The following ZNF44 variants were observed in gnomAD, a reference collection of about 807,000 sequenced individuals.
ZNF44 encodes gonadotropin inducible transcription repressor-2.
Under a neutral mutation model 11.7 loss-of-function variants are expected in ZNF44, and 9 were observed. The observed-to-expected ratio is 0.77, with a 90% CI of 0.46 to 1.35. The LOEUF is 1.35. ZNF44 is among the 40% of genes most tolerant of loss of function. The pLI, the probability that ZNF44 is intolerant of heterozygous loss-of-function variation, is 0.00. For synonymous variants in ZNF44, 224 were observed against 242.7 expected (o/e 0.92, Z 0.72); for missense variants, 696 against 743.1 (o/e 0.94, Z 0.74).
intron 5 of ZNF44, among the ~76,000 whole-genome samples, chr19:12,259,249 C>G (rs918884771): frequency 1.3e-5 from 2 of 152,132 alleles, no homozygotes; most frequent in Non-Finnish European, 2.9e-5. Context: ...GTTATGATGG[C>G]TAAGGAGAGG....
At chr19:12,230,121 G>C (rs1440876575) in intron 3 of ZNF44, among the ~76,000 whole-genome samples, 3 of 152,132 alleles carry the variant, frequency 2.0e-5, no homozygotes, top group Non-Finnish European at 4.4e-5. Flanking sequence ...ATGTGTATTG[G>C]GGCCAGGCCA....
chr19:12,293,512 C>T, intron 1 of ZNF44: 1 of 735,146 alleles, frequency 1.4e-6, no homozygotes, highest in South Asian at 2.7e-5. Flanking sequence ...TTATTCTCTT[C>T]TTCCTCACAT....
In ZNF44 at chr19:12,294,733, G is replaced by A; in HGVS notation, c.-39C>T. ...GGTGTCCCGGGTCCTCCCAACTCCC[G>A]TAGTCAGGGTAGGTCCCAGCGCGAC... On this transcript the variant is annotated 5_prime_UTR_variant, in exon 1 of 4. In the 5' UTR this introduces an upstream ATG that the reference lacks. Transcript: ENST00000355684. The A allele has an allele frequency of 1.3e-6, 2 of 1,551,264 alleles. No homozygotes were observed. The highest frequency in any genetic ancestry group is 1.7e-6 in the Non-Finnish European group (2 of 1,148,402).
intron 7 of ZNF44, among the ~76,000 whole-genome samples, chr19:12,249,347 A>C (rs924304658): frequency 5.3e-5 from 8 of 151,046 alleles, no homozygotes; most frequent in African/African-American, 1.7e-4. Flanking sequence ...TCTACTAAAA[A>C]TACAAAAAAT....
At chr19:12,249,507 G>GAA (rs958860050) in intron 7 of ZNF44, among the ~76,000 whole-genome samples, 6 of 60,752 alleles carry the variant, frequency 9.9e-5, no homozygotes, top group Non-Finnish European at 1.6e-4. Flanking sequence ...CTCCGTCTCA[G>GAA]AAAAAAAAAA....
downstream of ZNF44, among the ~76,000 whole-genome samples, chr19:12,267,716 A>C (rs1484047449): frequency 6.6e-6 from 1 of 152,124 alleles, no homozygotes; most frequent in Non-Finnish European, 1.5e-5. Flanking sequence ...CAAAAGCAAG[A>C]AACTCTCACC....
At chr19:12,286,528 G>A (rs994533380) in intron 1 of ZNF44, among the ~76,000 whole-genome samples, 2 of 151,940 alleles carry the variant, frequency 1.3e-5, no homozygotes, top group Non-Finnish European at 2.9e-5. Context: ...TAGCTGCTCG[G>A]GAGGCTGAGG....
rs1203790559 is a variant in ZNF44, at chr19:12,272,154, G to A, written c.*253C>T. ...TAGGACTACAGGTGTGAGCAACTAT[G>A]CCTGGCTATTTTTTTTTTTTTCCGT... On this transcript the variant is annotated 3_prime_UTR_variant, in exon 4 of 4. Transcript: ENST00000355684. 7.8e-6 allele frequency: 3 copies of A among 384,310 alleles called. No homozygotes were observed. The highest frequency in any genetic ancestry group is 1.3e-5 in the Non-Finnish European group (3 of 238,536). 23.8% of individuals were successfully genotyped at this position (384,310 alleles called of 1,614,324 possible). A position where few individuals can be genotyped will look rare whatever the true frequency, so the allele number is the denominator to read the frequency against.
rs1967075025 is a variant in ZNF44, at chr19:12,273,616, A to G, written c.639T>C (p.Arg213=). The change falls in exon 4 of 4, where the codon CGT becomes CGC. Residue 213 remains arginine, a synonymous_variant. Transcript: ENST00000355684. ...CTCCAGTGTGAGTTCTTTCATGCAT[A>G]CGTAATAAACTGGGCCAAAAAAAGG... The part of the protein sequence containing the change: ...GKAFFWPSLL[R]MHERTHTGEK... 3.1e-6 allele frequency: 5 copies of G among 1,613,980 alleles called. No homozygotes were observed. The highest frequency in any genetic ancestry group is 4.2e-6 in the Non-Finnish European group (5 of 1,179,982).
chr19:12,276,498 A>C (rs1341544024), intron 1 of ZNF44, among the ~76,000 whole-genome samples: 1 of 152,182 alleles, frequency 6.6e-6, no homozygotes, highest in African/African-American at 2.4e-5. Context: ...GTGTCTAGAC[A>C]ATGTATTTAG....
chr19:12,260,493 G>A (rs1917462695), intron 5 of ZNF44: 2 of 1,298,516 alleles, frequency 1.5e-6, no homozygotes, highest in East Asian at 4.9e-5. Context: ...CCAGAAGCCT[G>A]TGATGGTGAA....
intron 5 of ZNF44, among the ~76,000 whole-genome samples, chr19:12,259,082 C>G (rs755291966): frequency 6.6e-6 from 1 of 152,112 alleles, no homozygotes; most frequent in Non-Finnish European, 1.5e-5. Flanking sequence ...ACCATGTTGC[C>G]CAGGCTCGTC....
intron 2 of ZNF44, among the ~76,000 whole-genome samples, chr19:12,232,598 C>G (rs79995622): frequency 2.0e-5 from 3 of 152,192 alleles, no homozygotes; most frequent in African/African-American, 4.8e-5. Flanking sequence ...ATCTTGCACC[C>G]CCCTTAATCC....
chr19:12,279,135 C>T (rs1237101531), intron 1 of ZNF44, among the ~76,000 whole-genome samples: 4 of 152,210 alleles, frequency 2.6e-5, no homozygotes, highest in Non-Finnish European at 4.4e-5. Context: ...TCTGTCAGAA[C>T]ACTGCATGAT....
chr19:12,231,540 G>C (rs1458604003), intron 2 of ZNF44, among the ~76,000 whole-genome samples: 1 of 152,180 alleles, frequency 6.6e-6, no homozygotes, highest in Non-Finnish European at 1.5e-5. Flanking sequence ...AACAGATCAT[G>C]AGACATTTAA....
intron 5 of ZNF44, among the ~76,000 whole-genome samples, chr19:12,258,646 A>G (rs1917369110): frequency 6.6e-6 from 1 of 152,140 alleles, no homozygotes; most frequent in African/African-American, 2.4e-5. Flanking sequence ...CCTAGCCAAC[A>G]TGGCAAAACC....
intron 5 of ZNF44, among the ~76,000 whole-genome samples, chr19:12,257,863 C>T (rs973167478): frequency 4.0e-5 from 6 of 149,804 alleles, no homozygotes; most frequent in Admixed American, 1.3e-4. Context: ...CCCAGCTACT[C>T]GGGAGGCCAA....
downstream of ZNF44, chr19:12,247,580 G>A (rs758462567): frequency 1.5e-6 from 2 of 1,337,954 alleles, no homozygotes; most frequent in South Asian, 1.2e-5. Context: ...CAAGAGTAAT[G>A]TATGTTTTCC....
chr19:12,275,370 C>T (rs1383013305), intron 2 of ZNF44, among the ~76,000 whole-genome samples: 10 of 152,158 alleles, frequency 6.6e-5, no homozygotes, highest in South Asian at 2.1e-4. Context: ...TTCTCTAGGC[C>T]GGGCATAGTG....
Sources: gnomAD v4.1 joint callset for allele counts (sites outside exome capture counted in the v4.1 genomes callset) on GRCh38, gnomAD v4.1.1 for gene constraint, MANE v1.5 for transcripts, NCBI Gene and HGNC (gene_info 2026-07-23, HGNC 2026-07-21) for gene names.